The following CCDC91 variants were observed in gnomAD, a reference collection of about 807,000 sequenced individuals.
CCDC91 encodes coiled-coil domain-containing protein 91.
CCDC91 carries 48 observed loss-of-function variants against 63.2 expected under a neutral mutation model. That is an observed-to-expected ratio of 0.76 (90% CI 0.60 to 0.97). CCDC91 has a LOEUF of 0.97. Ranked by LOEUF, CCDC91 falls within the 50% of genes least tolerant of loss-of-function variation. CCDC91 has a pLI of 0.00. For synonymous variants in CCDC91, 167 were observed against 165.8 expected, an observed-to-expected ratio of 1.01 and a Z score of -0.06; for missense variants, 500 against 494.6, an observed-to-expected ratio of 1.01 and a Z score of -0.10.
chr12:28,538,599 T>TA (rs1942378879), intron 12 of CCDC91, among the ~76,000 whole-genome samples: 3 of 152,276 alleles, frequency 2.0e-5, no homozygotes, highest in African/African-American at 7.2e-5. Context: ...CAGCATGATT[T>TA]ATAATCGTCT....
chr12:28,299,664 G>C (rs748680391), intron 3 of CCDC91, among the ~76,000 whole-genome samples: 3 of 151,466 alleles, frequency 2.0e-5, no homozygotes, highest in Middle Eastern at 3.2e-3. Context: ...CATTCCTGCC[G>C]ATCTTCCACT....
At position 28,484,135 on chromosome 12, in the gene CCDC91, AT is replaced by A; in HGVS notation, c.1187del (p.Leu396Ter). ...EEAVKRTRDE[L>X]IEYIKEQKRL... Reference sequence around the variant, plus strand: ...AGGCAGTGAAAAGAACAAGAGATGAATTGATAGAGTATATAAAAGAACAGAA... The same window carrying A: ...AGGCAGTGAAAAGAACAAGAGATGAATGATAGAGTATATAAAAGAACAGAA... On this transcript the variant is annotated frameshift_variant, in exon 12 of 13. Transcript: ENST00000536442. LOFTEE classifies it high-confidence loss of function. The A allele has an allele frequency of 6.2e-7, 1 of 1,609,016 alleles. No homozygotes were observed. The highest frequency in any genetic ancestry group is 1.1e-5 in the South Asian group (1 of 90,330).
intron 8 of CCDC91, among the ~76,000 whole-genome samples, chr12:28,409,378 TAAAATATC>T (rs926120890): frequency 6.6e-6 from 1 of 152,162 alleles, no homozygotes; most frequent in Non-Finnish European, 1.5e-5. Flanking sequence ...CTTATCCTTT[TAAAATATC>T]TATAAACTTT....
chr12:28,476,877 G>A (rs1951127778), intron 11 of CCDC91, among the ~76,000 whole-genome samples: 1 of 152,134 alleles, frequency 6.6e-6, no homozygotes, highest in Non-Finnish European at 1.5e-5. Flanking sequence ...TAGAAGAAAT[G>A]GATAAATTCC....
At chr12:28,196,373 G>A (rs1941768584) in intron 1 of CCDC91, among the ~76,000 whole-genome samples, 1 of 152,128 alleles carries the variant, frequency 6.6e-6, no homozygotes, top group South Asian at 2.1e-4. Context: ...AGTAGCTTTT[G>A]TAGCTACTGC....
chr12:28,388,986 T>TAA (rs1481856620), intron 7 of CCDC91, among the ~76,000 whole-genome samples: 1 of 152,020 alleles, frequency 6.6e-6, no homozygotes, highest in African/African-American at 2.4e-5. Context: ...GCAAATGCAA[T>TAA]AAAAACAAAG....
chr12:28,395,422 G>A (rs773946168), intron 8 of CCDC91, among the ~76,000 whole-genome samples: 14 of 152,190 alleles, frequency 9.2e-5, no homozygotes, highest in Non-Finnish European at 1.5e-4. Context: ...TAGGTCCCCA[G>A]GGTACCCACA....
At chr12:28,467,496 C>A (rs1950603354) in intron 11 of CCDC91, among the ~76,000 whole-genome samples, 1 of 151,886 alleles carries the variant, frequency 6.6e-6, no homozygotes, top group Non-Finnish European at 1.5e-5. Flanking sequence ...GAGAGAGACT[C>A]CAGTAAAATA....
chr12:28,519,031 CTT>C (rs1940280042), intron 12 of CCDC91, among the ~76,000 whole-genome samples: 1 of 151,884 alleles, frequency 6.6e-6, no homozygotes, highest in East Asian at 1.9e-4. Flanking sequence ...TATACAGGCT[CTT>C]TTTTGGTTCC....
At chr12:28,444,226 A>G (rs1437153505) in intron 8 of CCDC91, among the ~76,000 whole-genome samples, 3 of 152,238 alleles carry the variant, frequency 2.0e-5, no homozygotes, top group Admixed American at 2.0e-4. Flanking sequence ...GAAGAATGGC[A>G]TTCATTTACA....
intron 12 of CCDC91, among the ~76,000 whole-genome samples, chr12:28,519,249 C>T (rs11834538): frequency 0.1 from 15,737 of 151,972 alleles, 2,133 homozygotes; most frequent in African/African-American, 0.32. Flanking sequence ...GTTTTCCTTG[C>T]AGAGGTCTTT....
intron 8 of CCDC91, among the ~76,000 whole-genome samples, chr12:28,449,281 T>A (rs1174031692): frequency 6.6e-6 from 1 of 152,138 alleles, no homozygotes; most frequent in African/African-American, 2.4e-5. Flanking sequence ...AAATATTGGA[T>A]ATCCAATGAG....
intron 12 of CCDC91, among the ~76,000 whole-genome samples, chr12:28,503,182 A>C (rs11613914): frequency 0.21 from 32,031 of 151,810 alleles, 4,353 homozygotes; most frequent in Non-Finnish European, 0.31. Flanking sequence ...GCAACCTACT[A>C]ATCTGACAAA....
chr12:28,254,840 C>T (rs1415297743), intron 1 of CCDC91, among the ~76,000 whole-genome samples: 3 of 146,822 alleles, frequency 2.0e-5, no homozygotes, highest in African/African-American at 5.0e-5. Flanking sequence ...GGTGCGATCT[C>T]GGCTCACTGC....
At chr12:28,437,596 T>C (rs1948977533) in intron 8 of CCDC91, among the ~76,000 whole-genome samples, 1 of 152,134 alleles carries the variant, frequency 6.6e-6, no homozygotes, top group Admixed American at 6.6e-5. Context: ...GGTCTTTGAA[T>C]AGAATTCATT....
intron 8 of CCDC91, among the ~76,000 whole-genome samples, chr12:28,415,463 G>A (rs181598840): frequency 0.013 from 1,983 of 151,802 alleles, 50 homozygotes; most frequent in African/African-American, 0.045. Flanking sequence ...CAGGTGATCC[G>A]CCTGCCTCAG....
At chr12:28,212,555 T>A (rs1943300920) in intron 1 of CCDC91, among the ~76,000 whole-genome samples, 1 of 152,192 alleles carries the variant, frequency 6.6e-6, no homozygotes, top group African/African-American at 2.4e-5. Flanking sequence ...GTCAACCTAT[T>A]AAGATAGGTG....
intron 11 of CCDC91, among the ~76,000 whole-genome samples, chr12:28,463,266 A>G (rs979955520): frequency 2.0e-5 from 3 of 152,242 alleles, no homozygotes; most frequent in African/African-American, 7.2e-5. Context: ...AGTTTGACAA[A>G]TCGAAATGTT....
At chr12:28,411,729 T>C (rs1246680452) in intron 8 of CCDC91, among the ~76,000 whole-genome samples, 1 of 152,220 alleles carries the variant, frequency 6.6e-6, no homozygotes, top group Non-Finnish European at 1.5e-5. Flanking sequence ...TCCTATCACC[T>C]AGTGACATTG....
Sources: allele counts gnomAD v4.1 joint callset (sites outside exome capture counted in the v4.1 genomes callset), GRCh38; gene constraint gnomAD v4.1.1; transcripts MANE v1.5; gene names NCBI Gene and HGNC (gene_info 2026-07-23, HGNC 2026-07-21).